SWT1: variants seen among roughly 807,000 people sequenced by gnomAD.
SWT1 encodes SWT1 RNA endoribonuclease homolog.
In SWT1, 33 loss-of-function variants were observed where a neutral mutation model predicts 107.3. The ratio of observed to expected loss-of-function variants is 0.31; its 90% CI spans 0.23 to 0.41. The LOEUF (loss-of-function observed/expected upper bound fraction) is 0.41. Ranked by LOEUF, SWT1 falls within the 10% of genes least tolerant of loss-of-function variation. The probability of loss-of-function intolerance (pLI) is 1.00; values close to 1 mark genes in which losing one functional copy is unlikely to be tolerated. For missense variants in SWT1, 898 were observed against 1,028.9 expected (o/e 0.87, Z 1.74); for synonymous variants, 345 against 348.3 (o/e 0.99, Z 0.11).
intron 4 of SWT1, among the ~76,000 whole-genome samples, chr1:185,172,830 C>T (rs147787645): frequency 1.9e-3 from 292 of 152,106 alleles, no homozygotes; most frequent in African/African-American, 6.6e-3. Flanking sequence ...GGGCAGATCA[C>T]GAGGTCAAAT....
At chr1:185,270,672 GCACTA>G (rs778064393) in intron 16 of SWT1, among the ~76,000 whole-genome samples, 56 of 152,154 alleles carry the variant, frequency 3.7e-4, no homozygotes, top group Non-Finnish European at 6.9e-4. Context: ...TCACACCACT[GCACTA>G]CAGCCTGGGC....
At chr1:185,258,332 A>G (rs1662770060) in intron 16 of SWT1, among the ~76,000 whole-genome samples, 1 of 152,066 alleles carries the variant, frequency 6.6e-6, no homozygotes, top group African/African-American at 2.4e-5. Context: ...ATGTTGTTTT[A>G]AATCACCACT....
intron 10 of SWT1, among the ~76,000 whole-genome samples, chr1:185,194,430 G>C (rs949207573): frequency 2.7e-5 from 4 of 149,552 alleles, no homozygotes; most frequent in Non-Finnish European, 5.9e-5. Context: ...ATACTTTTTT[G>C]AAAAAAACTT....
At chr1:185,251,800 T>A (rs180836554) in intron 16 of SWT1, among the ~76,000 whole-genome samples, 1,605 of 150,316 alleles carry the variant, frequency 0.011, 18 homozygotes, top group East Asian at 0.016. Context: ...ATATATATAT[T>A]TTTTTTATTA....
At chr1:185,184,045 T>G (rs1476705454) in intron 7 of SWT1, among the ~76,000 whole-genome samples, 198 bp from the exon 8 acceptor site, 1 of 152,178 alleles carries the variant, frequency 6.6e-6, no homozygotes, top group African/African-American at 2.4e-5. Flanking sequence ...GGGGAGAAAT[T>G]TACTTGGCAA....
intron 16 of SWT1, chr1:185,264,398 C>T: frequency 1.0e-6 from 1 of 985,046 alleles, no homozygotes; most frequent in Non-Finnish European, 1.2e-6. Flanking sequence ...GAGAACAAGT[C>T]CCCAAACAGC....
Position 185,231,760 on chromosome 1 carries a change from C to G in SWT1, c.2441+52C>G, listed in dbSNP as rs755116414. 2.1e-6 allele frequency: 3 copies of G among 1,462,570 alleles called. No individual in the cohort carries two copies. In the East Asian group the frequency reaches 6.9e-5, roughly 34 times the overall value. The allele number at this position is 1,462,570 out of a possible 1,614,324, so 90.6% of individuals were successfully genotyped here. On this transcript the variant is annotated intron_variant, in intron 16 of 18. Coordinates refer to ENST00000367500, the MANE Select transcript of SWT1 (RefSeq NM_017673.7). The stretch of plus-strand genomic sequence containing the variant: ...TTATTTACTTATTACTTTTCTCTTT[C>G]TCCTAGGCTTACCAACTTTTTCAGA...
At chr1:185,200,117 GA>G (rs1294165618) in intron 10 of SWT1, among the ~76,000 whole-genome samples, 1 of 151,750 alleles carries the variant, frequency 6.6e-6, no homozygotes, top group Non-Finnish European at 1.5e-5. Context: ...CTTTTTCTCC[GA>G]ATTGGTTATT....
chr1:185,233,463 CT>C (rs1427011873), intron 16 of SWT1, among the ~76,000 whole-genome samples: 4 of 152,170 alleles, frequency 2.6e-5, no homozygotes, highest in African/African-American at 9.7e-5. Context: ...CCTCTACACA[CT>C]GCTTTAAATG....
intron 15 of SWT1, among the ~76,000 whole-genome samples, chr1:185,223,118 A>G (rs1025683724): frequency 1.3e-5 from 2 of 152,120 alleles, no homozygotes; most frequent in Admixed American, 1.3e-4. Context: ...TTTTTGAGGA[A>G]CCTCTGTACT....
intron 13 of SWT1, among the ~76,000 whole-genome samples, chr1:185,208,862 G>C (rs1192246203): frequency 2.0e-5 from 3 of 151,378 alleles, no homozygotes; most frequent in Non-Finnish European, 4.4e-5. Flanking sequence ...AGAGAGTAAG[G>C]GAAAGCTTTT....
rs1322000969 is a variant in SWT1 at position 185,184,935 on chromosome 1, A to G, written c.1429+4A>G. ...CAACTTGCATCCCAAAAACATTGTA[A>G]GTATTGTTCTCTCAGAGTGCCTCCT... On this transcript the variant is annotated splice_donor_region_variant and intron_variant, in intron 9 of 18. Coordinates refer to ENST00000367500, the MANE Select transcript of SWT1 (RefSeq NM_017673.7). 3 of 1,447,582 alleles carry G rather than the reference A, an allele frequency of 2.1e-6. No individual in the cohort carries two copies. The East Asian group carries it at 7.7e-5, about 37-fold the overall frequency. 89.7% of individuals were successfully genotyped at this position (1,447,582 alleles called of 1,614,324 possible).
intron 15 of SWT1, among the ~76,000 whole-genome samples, chr1:185,222,499 A>G (rs185396240): frequency 1.3e-5 from 2 of 151,864 alleles, no homozygotes; most frequent in Non-Finnish European, 2.9e-5. Flanking sequence ...GCTTACACCC[A>G]TAGTCCCAGC....
At chr1:185,287,221 C>T (rs1335188064) in intron 18 of SWT1, among the ~76,000 whole-genome samples, 2 of 152,116 alleles carry the variant, frequency 1.3e-5, no homozygotes, top group African/African-American at 4.8e-5. Flanking sequence ...AATCACAAAA[C>T]TGTGTGGAAT....
chr1:185,176,498 T>C (rs868548107), intron 5 of SWT1: 1 of 902,636 alleles, frequency 1.1e-6, no homozygotes, highest in African/African-American at 1.8e-5. Context: ...AATTATGTAA[T>C]GTAATTGCCA....
At position 185,252,547 on chromosome 1, in the gene SWT1, T is replaced by C. The variant is rs1220298170; in HGVS notation, c.2442-18776T>C. Among the ~76,000 whole-genome samples, 5 of 152,340 alleles carry C rather than the reference T, an allele frequency of 3.3e-5. No homozygotes were observed. In the South Asian group the frequency reaches 1.0e-3, roughly 32 times the overall value. On this transcript the variant is annotated intron_variant, in intron 16 of 18. Coordinates refer to ENST00000367500, the MANE Select transcript of SWT1 (RefSeq NM_017673.7). The stretch of plus-strand genomic sequence containing the variant: ...CTGATGGCCAGTGATAATGAGCATT[T>C]TTTCATGTGTTTTTTGGCTGCATAA...
intron 16 of SWT1, among the ~76,000 whole-genome samples, chr1:185,268,887 C>G (rs1336001923): frequency 1.5e-5 from 2 of 136,786 alleles, no homozygotes; most frequent in South Asian, 4.6e-4. Context: ...GAGTGTCGCT[C>G]TTTTGCCCAG....
At chr1:185,176,784 A>T (rs1655597429) in intron 5 of SWT1, 5 of 631,706 alleles carry the variant, frequency 7.9e-6, no homozygotes, top group African/African-American at 2.0e-5. Flanking sequence ...GGAGATCGAG[A>T]CCATCCTGGC....
At chr1:185,274,346 T>G (rs1023772203) in intron 17 of SWT1, among the ~76,000 whole-genome samples, 1 of 149,312 alleles carries the variant, frequency 6.7e-6, no homozygotes, top group Non-Finnish European at 1.5e-5. Context: ...GATATATATA[T>G]ATTTGTCACA....
Sources: gnomAD v4.1 joint callset for allele counts (sites outside exome capture counted in the v4.1 genomes callset) on GRCh38, gnomAD v4.1.1 for gene constraint, MANE v1.5 for transcripts, NCBI Gene and HGNC (gene_info 2026-07-23, HGNC 2026-07-21) for gene names.